PCDHA1: variants seen among roughly 807,000 people sequenced by gnomAD.
The protein encoded by PCDHA1 is protocadherin alpha 1.
A neutral mutation model predicts 61.3 loss-of-function variants in PCDHA1; 42 were observed. The observed-to-expected ratio is 0.69, with a 90% CI of 0.54 to 0.89. The LOEUF (loss-of-function observed/expected upper bound fraction) is 0.89. PCDHA1 is among the 40% of genes least tolerant of loss of function. PCDHA1 has a pLI of 0.00. For synonymous variants in PCDHA1, 610 were observed against 553.8 expected, an observed-to-expected ratio of 1.10 and a Z score of -1.43; for missense variants, 1,256 against 1,235.3, an observed-to-expected ratio of 1.02 and a Z score of -0.25.
At chr5:140,826,384 G>T (rs1040269043) in intron 1 of PCDHA1, among the ~76,000 whole-genome samples, 1 of 152,088 alleles carries the variant, frequency 6.6e-6, no homozygotes, top group Non-Finnish European at 1.5e-5. Context: ...TCAGTGATAA[G>T]AACTACTAAA....
At chr5:140,825,517 C>A (rs1236506485) in intron 1 of PCDHA1, 1 of 151,028 alleles carries the variant, frequency 6.6e-6, no homozygotes, top group Non-Finnish European at 1.5e-5. Context: ...CTTGGCCTCC[C>A]AGGTTCAAGC....
At chr5:140,953,903 C>T (rs755692840) in intron 1 of PCDHA1, among the ~76,000 whole-genome samples, 1 of 152,120 alleles carries the variant, frequency 6.6e-6, no homozygotes, top group Non-Finnish European at 1.5e-5. Context: ...TTAAGCCCAG[C>T]ATCCATTAGG....
Position 140,926,930 on chromosome 5 carries a change from T to A in PCDHA1, c.2395-52019T>A, listed in dbSNP as rs1554203828. On this transcript the variant is annotated intron_variant, in intron 1 of 3. Coordinates refer to ENST00000504120, the MANE Select transcript of PCDHA1 (RefSeq NM_018900.4). ...GGGGTGGCAGTTTTATGTTTGTGGG[T>A]TTCCTGCGGCGCTGCAGCGGGACAG... 6 of 1,575,058 alleles carry A rather than the reference T, an allele frequency of 3.8e-6. No individual in the cohort carries two copies. The East Asian group carries it at 1.4e-4, about 35-fold the overall frequency.
chr5:140,870,475 G>T, intron 1 of PCDHA1: 2 of 1,614,214 alleles, frequency 1.2e-6, no homozygotes, highest in Non-Finnish European at 1.7e-6. Flanking sequence ...CGCACAGCCC[G>T]AGTACACCGT....
intron 1 of PCDHA1, chr5:140,882,401 G>A (rs899488409): frequency 4.0e-5 from 65 of 1,614,046 alleles, no homozygotes; most frequent in Non-Finnish European, 5.3e-5. Context: ...CGGCACCTTC[G>A]TGGGCCGCAT....
chr5:140,902,866 C>T (rs1449193268), intron 1 of PCDHA1, among the ~76,000 whole-genome samples: 1 of 152,186 alleles, frequency 6.6e-6, no homozygotes, highest in Non-Finnish European at 1.5e-5. Context: ...TCCAGGTCCA[C>T]CCAAGCTGCT....
Position 140,843,641 on chromosome 5 carries a change from C to T in PCDHA1, c.2394+54957C>T, listed in dbSNP as rs1231976546. ...GAAGACGGACCTCATGGCCTTCAGCCCCTGCCTTCCTCCTGATCTGGGATC... is the reference window on the plus strand; with the variant it reads ...GAAGACGGACCTCATGGCCTTCAGCTCCTGCCTTCCTCCTGATCTGGGATC... On this transcript the variant is annotated intron_variant, in intron 1 of 3. Transcript: ENST00000504120. 2.4e-5 allele frequency: 38 copies of T among 1,595,398 alleles called. 1 individual carries two copies. The highest frequency in any genetic ancestry group is 4.5e-5 in the East Asian group (2 of 44,832).
intron 1 of PCDHA1, chr5:140,797,083 G>C: frequency 6.2e-7 from 1 of 1,613,952 alleles, no homozygotes; most frequent in Non-Finnish European, 8.5e-7. Flanking sequence ...CATCTGCGCG[G>C]TATCCAGCCT....
chr5:140,877,561 A>G (rs1582392588), intron 1 of PCDHA1: 1 of 1,613,748 alleles, frequency 6.2e-7, no homozygotes. Flanking sequence ...GGTGGATATT[A>G]ACGTGTACCT....
chr5:140,906,718 G>C (rs1554192673), intron 1 of PCDHA1, among the ~76,000 whole-genome samples: 1 of 152,140 alleles, frequency 6.6e-6, no homozygotes, highest in Admixed American at 6.5e-5. Flanking sequence ...TGCCTGGATT[G>C]TGCTGTTGTA....
In PCDHA1 at chr5:141,011,117, C is replaced by A. The variant is rs1301385116; in HGVS notation, c.*1180C>A. The A allele has an allele frequency of 1.3e-5, 2 of 153,590 alleles. No homozygotes were observed. The highest frequency in any genetic ancestry group is 2.4e-5 in the African/African-American group (1 of 41,402). The allele number at this position is 153,590 out of a possible 1,614,324, so 9.5% of individuals were successfully genotyped here. The stretch of plus-strand genomic sequence containing the variant: ...CTCTCTCTCTCTCTTTTCTAAGAAA[C>A]AATTATGTGCACTTTGATACACAAC... On this transcript the variant is annotated 3_prime_UTR_variant, in exon 4 of 4. Coordinates refer to ENST00000504120, the MANE Select transcript of PCDHA1 (RefSeq NM_018900.4).
At position 140,968,051 on chromosome 5, in the gene PCDHA1, C is replaced by A. The variant is rs1353005851; in HGVS notation, c.2395-10898C>A. On this transcript the variant is annotated intron_variant, in intron 1 of 3. Transcript: ENST00000504120. ...ACTGGTGGTGAGCGGCCCACTGGACCGAGAGCGGGTGGCTGTCTACAACAT... is the reference window on the plus strand; with the variant it reads ...ACTGGTGGTGAGCGGCCCACTGGACAGAGAGCGGGTGGCTGTCTACAACAT... The A allele has an allele frequency of 1.9e-6, 3 of 1,614,018 alleles. No homozygotes were observed. The Admixed American group carries it at 5.0e-5, about 27-fold the overall frequency.
chr5:140,843,922 A>C, intron 1 of PCDHA1: 1 of 591,956 alleles, frequency 1.7e-6, no homozygotes, highest in Non-Finnish European at 2.9e-6. Flanking sequence ...CTATCTTGAA[A>C]CTCAAGTTAT....
At chr5:140,877,091 C>G (rs782722834) in intron 1 of PCDHA1, 2 of 1,613,252 alleles carry the variant, frequency 1.2e-6, no homozygotes, top group African/African-American at 1.3e-5. Flanking sequence ...GCGCGCGACG[C>G]CGGCGTGCCG....
intron 3 of PCDHA1, among the ~76,000 whole-genome samples, chr5:140,998,973 G>A (rs572810777): frequency 1.3e-5 from 2 of 152,352 alleles, no homozygotes; most frequent in African/African-American, 2.4e-5. Flanking sequence ...TAGTATCCTA[G>A]AAAATAGTAG....
intron 1 of PCDHA1, chr5:140,875,192 C>T (rs2055339316): frequency 2.0e-6 from 1 of 509,102 alleles, no homozygotes. Flanking sequence ...AAGAGTGACC[C>T]AGGAAGTGGC....
chr5:140,835,702 G>T, intron 1 of PCDHA1: 1 of 1,613,922 alleles, frequency 6.2e-7, no homozygotes, highest in South Asian at 1.1e-5. Context: ...GCCACTGCTA[G>T]CGTGTCCGTG....
chr5:140,887,728 C>T (rs1313632263), intron 1 of PCDHA1, among the ~76,000 whole-genome samples: 1 of 151,970 alleles, frequency 6.6e-6, no homozygotes, highest in Non-Finnish European at 1.5e-5. Context: ...TTTTTCTTTC[C>T]TTCCATCCTT....
At chr5:140,871,254 T>A in intron 1 of PCDHA1, 1 of 1,613,952 alleles carries the variant, frequency 6.2e-7, no homozygotes, top group Non-Finnish European at 8.5e-7. Context: ...TGCTGCTGTA[T>A]ACGGCGCTGT....
Sources: allele counts gnomAD v4.1 joint callset (sites outside exome capture counted in the v4.1 genomes callset), GRCh38; gene constraint gnomAD v4.1.1; transcripts MANE v1.5; gene names NCBI Gene and HGNC (gene_info 2026-07-23, HGNC 2026-07-21).